ARL13B: variants seen among roughly 807,000 people sequenced by gnomAD.
ARL13B encodes the protein ADP-ribosylation factor-like protein 13B.
A neutral mutation model predicts 56.1 loss-of-function variants in ARL13B; 36 were observed. The observed-to-expected ratio is 0.64, with a 90% CI of 0.49 to 0.85. ARL13B has a LOEUF of 0.85. Ranked by LOEUF, ARL13B falls within the 40% of genes least tolerant of loss-of-function variation. The pLI, the probability that ARL13B is intolerant of heterozygous loss-of-function variation, is 0.00. For synonymous variants in ARL13B, 178 were observed against 171.1 expected, an observed-to-expected ratio of 1.04 and a Z score of -0.32; for missense variants, 519 against 507.1, an observed-to-expected ratio of 1.02 and a Z score of -0.23.
intron 3 of ARL13B, among the ~76,000 whole-genome samples, chr3:94,024,140 T>C (rs1348659320): frequency 6.6e-6 from 1 of 152,202 alleles, no homozygotes; most frequent in Non-Finnish European, 1.5e-5. Flanking sequence ...ATTAATTAAT[T>C]AATCAATTAA....
chr3:94,003,907 G>A lies in ARL13B; in HGVS notation c.379G>A (p.Val127Met). ...HPRISGKPIL[V>M]LANKQDKEGA... The stretch of plus-strand genomic sequence containing the variant: ...TAGGATATCGGGAAAGCCTATATTG[G>A]TGTAAGTAATGTTAGCATCATTGTA... The change falls in exon 3 of 10, where the codon GTG (valine) becomes ATG (methionine). Residue 127 changes from valine (V) to methionine (M), a missense_variant and splice_region_variant. Coordinates refer to ENST00000394222, the MANE Select transcript of ARL13B (RefSeq NM_001174150.2). 3 of 1,613,274 alleles carry A rather than the reference G, an allele frequency of 1.9e-6. No homozygotes were observed. The highest frequency in any genetic ancestry group is 8.5e-7 in the Non-Finnish European group (1 of 1,179,576).
intron 1 of ARL13B, among the ~76,000 whole-genome samples, chr3:93,992,095 G>T (rs1266883822): frequency 1.1e-4 from 17 of 152,020 alleles, no homozygotes; most frequent in Admixed American, 1.1e-3. Flanking sequence ...TATAAATAAA[G>T]ACAGACTCTT....
At chr3:94,047,043 A>G (rs1475189052) in intron 7 of ARL13B, among the ~76,000 whole-genome samples, 13 of 152,154 alleles carry the variant, frequency 8.5e-5, no homozygotes, top group Admixed American at 8.5e-4. Flanking sequence ...CTAAAATGCA[A>G]ATAAATATTG....
chr3:94,036,071 T>C (rs1019724062), intron 4 of ARL13B, among the ~76,000 whole-genome samples: 2 of 152,058 alleles, frequency 1.3e-5, no homozygotes, highest in Admixed American at 6.6e-5. Flanking sequence ...AGACACTGCC[T>C]CTAAAAAACA....
chr3:93,995,081 T>G (rs761766928), intron 1 of ARL13B, among the ~76,000 whole-genome samples: 7 of 152,180 alleles, frequency 4.6e-5, no homozygotes, highest in Non-Finnish European at 8.8e-5. Context: ...CCTGTTATAT[T>G]GTGCAGAGTT....
At chr3:94,010,957 G>A (rs1347396249) in intron 3 of ARL13B, among the ~76,000 whole-genome samples, 3 of 151,920 alleles carry the variant, frequency 2.0e-5, no homozygotes, top group East Asian at 3.9e-4. Context: ...ACAGAGAGAC[G>A]TCTATCACTA....
intron 3 of ARL13B, among the ~76,000 whole-genome samples, chr3:94,031,631 C>T (rs2076678165): frequency 6.6e-6 from 1 of 152,084 alleles, no homozygotes; most frequent in South Asian, 2.1e-4. Flanking sequence ...ATTTTTAAAT[C>T]CATAAGTTCA....
At chr3:94,014,818 T>C (rs759950914) in intron 3 of ARL13B, 72 of 1,614,000 alleles carry the variant, frequency 4.5e-5, no homozygotes, top group Non-Finnish European at 5.6e-5. Context: ...TGTGTCATTG[T>C]ATATAAACAT....
intron 1 of ARL13B, among the ~76,000 whole-genome samples, chr3:93,995,226 G>T (rs1342493971): frequency 6.6e-6 from 1 of 152,044 alleles, no homozygotes; most frequent in Non-Finnish European, 1.5e-5. Flanking sequence ...ATTAGGTTCT[G>T]GTTCTGAGTC....
chr3:94,046,968 GACTCTC>G, intron 7 of ARL13B, among the ~76,000 whole-genome samples: 1 of 151,942 alleles, frequency 6.6e-6, no homozygotes, highest in East Asian at 1.9e-4. Flanking sequence ...ATAGAATCTT[GACTCTC>G]TTATCTACTA....
Position 94,053,504 on chromosome 3 carries a change from A to G in ARL13B, c.*241A>G, listed in dbSNP as rs776434631. ...AATCAGCATTTGGACCAAATTAGCA[A>G]GATTTACTGTTGACTCTGGTTTATA... On this transcript the variant is annotated 3_prime_UTR_variant, in exon 10 of 10. Coordinates refer to ENST00000394222, the MANE Select transcript of ARL13B (RefSeq NM_001174150.2). The G allele has an allele frequency of 5.4e-5, 34 of 628,990 alleles. 1 individual carries two copies. The highest frequency in any genetic ancestry group is 5.1e-4 in the South Asian group (34 of 66,080). 39.0% of individuals were successfully genotyped at this position (628,990 alleles called of 1,614,324 possible).
chr3:94,049,996 CAAAAAAA>C (rs532785971), intron 8 of ARL13B, among the ~76,000 whole-genome samples: 11 of 64,428 alleles, frequency 1.7e-4, no homozygotes, highest in East Asian at 7.1e-4. Context: ...ACTAAAGATA[CAAAAAAA>C]AAAAAAAAAA....
intron 1 of ARL13B, among the ~76,000 whole-genome samples, chr3:93,993,964 C>A (rs961907466): frequency 2.6e-5 from 4 of 152,144 alleles, no homozygotes; most frequent in African/African-American, 9.7e-5. Context: ...TTGTGATTTA[C>A]CTTATTCTTG....
chr3:94,034,692 A>G (rs2076736697), intron 3 of ARL13B, among the ~76,000 whole-genome samples: 1 of 152,140 alleles, frequency 6.6e-6, no homozygotes, highest in Non-Finnish European at 1.5e-5. Flanking sequence ...TAAGAAGATA[A>G]GAATATAATT....
At chr3:94,003,160 T>C (rs1338642815) in intron 2 of ARL13B, among the ~76,000 whole-genome samples, 1 of 152,216 alleles carries the variant, frequency 6.6e-6, no homozygotes, top group Admixed American at 6.5e-5. Context: ...AACGTCTCTT[T>C]ATTGTAAATA....
intron 5 of ARL13B, among the ~76,000 whole-genome samples, chr3:94,037,863 C>G (rs116398617): frequency 1.3e-5 from 2 of 152,008 alleles, no homozygotes; most frequent in Non-Finnish European, 2.9e-5. Context: ...TAATGATATT[C>G]TAGATCATGT....
chr3:93,984,355 TA>T (rs58963921), intron 1 of ARL13B, among the ~76,000 whole-genome samples: 116,512 of 148,376 alleles, frequency 0.79, 45,731 homozygotes, highest in Non-Finnish European at 0.82. Flanking sequence ...GACTCTTGTC[TA>T]AAAAAAAAAA....
intron 3 of ARL13B, chr3:94,014,322 C>G: frequency 7.4e-7 from 1 of 1,356,062 alleles, no homozygotes; most frequent in African/African-American, 1.5e-5. Flanking sequence ...AAAAACAATA[C>G]AAGACACTGA....
In ARL13B at chr3:94,049,590, A is replaced by G. The variant is rs893760603; in HGVS notation, c.1141+68A>G. The G allele has an allele frequency of 4.6e-5, 52 of 1,142,584 alleles. No homozygotes were observed. In the African/African-American group the frequency reaches 6.7e-4, roughly 15 times the overall value. 70.8% of individuals were successfully genotyped at this position (1,142,584 alleles called of 1,614,324 possible). ...TAAACAACAGAGAAAAAAAAAAAGA[A>G]AAAAGGAATCTTGTCATTTTTATTC... On this transcript the variant is annotated intron_variant, in intron 8 of 9. Transcript: ENST00000394222.
Sources: gnomAD v4.1 joint callset for allele counts (sites outside exome capture counted in the v4.1 genomes callset) on GRCh38, gnomAD v4.1.1 for gene constraint, MANE v1.5 for transcripts, NCBI Gene and HGNC (gene_info 2026-07-23, HGNC 2026-07-21) for gene names.